L3MBTL3: variants seen among roughly 807,000 people sequenced by gnomAD.
L3MBTL3 encodes L3MBTL histone methyl-lysine binding protein 3.
Under a neutral mutation model 102.3 loss-of-function variants are expected in L3MBTL3, and 27 were observed. The observed-to-expected ratio is 0.26, with a 90% CI of 0.19 to 0.36. The LOEUF is 0.36. Ranked by LOEUF, L3MBTL3 falls within the 10% of genes least tolerant of loss-of-function variation. The probability of loss-of-function intolerance (pLI) is 1.00; values close to 1 mark genes in which losing one functional copy is unlikely to be tolerated. For synonymous variants in L3MBTL3, 340 were observed against 320.9 expected (o/e 1.06, Z -0.64); for missense variants, 798 against 955.3 (o/e 0.84, Z 2.17).
At chr6:130,079,404 A>C (rs1318259223) in intron 14 of L3MBTL3, among the ~76,000 whole-genome samples, 1 of 152,172 alleles carries the variant, frequency 6.6e-6, no homozygotes, top group African/African-American at 2.4e-5. Flanking sequence ...GTAACTGCTG[A>C]TAAATAGTGT....
chr6:130,041,678 A>G (rs1562258934), intron 2 of L3MBTL3, among the ~76,000 whole-genome samples: 1 of 152,190 alleles, frequency 6.6e-6, no homozygotes, highest in African/African-American at 2.4e-5. Flanking sequence ...CTTTGGCCAG[A>G]AGAAAGGGGC....
chr6:130,127,338 G>A (rs1250694668), intron 20 of L3MBTL3, among the ~76,000 whole-genome samples: 1 of 152,170 alleles, frequency 6.6e-6, no homozygotes, highest in East Asian at 1.9e-4. Context: ...CATGGGGGAA[G>A]GTCAAAGGGA....
chr6:130,138,635 A>G (rs775969880), intron 22 of L3MBTL3, among the ~76,000 whole-genome samples: 6 of 152,198 alleles, frequency 3.9e-5, no homozygotes, highest in Non-Finnish European at 8.8e-5. Context: ...GGACATCAAT[A>G]TACGAATTTT....
Position 130,042,653 on chromosome 6 carries a change from A to C in L3MBTL3, c.-15-32A>C, listed in dbSNP as rs750160690. ...TTAAAAACAGATTTCCATGTGGAATATTTAGTGATATGCCTTCTTTTCCCC... is the reference window on the plus strand; with the variant it reads ...TTAAAAACAGATTTCCATGTGGAATCTTTAGTGATATGCCTTCTTTTCCCC... On this transcript the variant is annotated intron_variant, in intron 2 of 22. Transcript: ENST00000361794. 11 of 1,239,310 alleles carry C rather than the reference A, an allele frequency of 8.9e-6. No homozygotes were observed. The South Asian group carries it at 1.3e-4, about 15-fold the overall frequency. 76.8% of individuals were successfully genotyped at this position (1,239,310 alleles called of 1,614,324 possible). A position where few individuals can be genotyped will look rare whatever the true frequency, so the allele number is the denominator to read the frequency against.
chr6:130,129,293 A>G (rs1786845042), intron 20 of L3MBTL3, among the ~76,000 whole-genome samples: 1 of 152,150 alleles, frequency 6.6e-6, no homozygotes, highest in African/African-American at 2.4e-5. Flanking sequence ...AAAAGTAGTG[A>G]TTATTTGATT....
At chr6:130,073,008 A>C (rs1054875558) in intron 13 of L3MBTL3, among the ~76,000 whole-genome samples, 1 of 152,050 alleles carries the variant, frequency 6.6e-6, no homozygotes, top group Admixed American at 6.6e-5. Flanking sequence ...TCACAGTTTG[A>C]TTTGCTGATT....
At chr6:130,032,943 T>C (rs542935908) in intron 2 of L3MBTL3, among the ~76,000 whole-genome samples, 1 of 152,316 alleles carries the variant, frequency 6.6e-6, no homozygotes, top group East Asian at 1.9e-4. Flanking sequence ...CCGTGATCCA[T>C]GATTGCACCA....
At chr6:130,073,521 C>G (rs4897364) in intron 13 of L3MBTL3, among the ~76,000 whole-genome samples, 72,980 of 151,870 alleles carry the variant, frequency 0.48, 20,032 homozygotes, top group East Asian at 0.65. Context: ...TTTTTTAAAG[C>G]TTTTGCCTGA....
At chr6:130,046,758 TA>T (rs1245900362) in intron 3 of L3MBTL3, among the ~76,000 whole-genome samples, 1 of 152,222 alleles carries the variant, frequency 6.6e-6, no homozygotes, top group African/African-American at 2.4e-5. Context: ...ACTAATGATT[TA>T]AAGAAATATA....
intron 20 of L3MBTL3, among the ~76,000 whole-genome samples, chr6:130,125,484 T>A (rs186862738): frequency 9.8e-5 from 15 of 152,324 alleles, no homozygotes; most frequent in Non-Finnish European, 2.2e-4. Flanking sequence ...GGCCCCATGG[T>A]AATTGTTTTC....
At chr6:130,025,472 T>A (rs1001090065) in intron 2 of L3MBTL3, among the ~76,000 whole-genome samples, 8 of 152,122 alleles carry the variant, frequency 5.3e-5, no homozygotes, top group African/African-American at 1.9e-4. Flanking sequence ...CAAGAAAGGG[T>A]ATCCTTGATA....
Position 130,133,713 on chromosome 6 carries a change from T to C in L3MBTL3, c.2136+92T>C. ...TTGAGCGTAGGTAGCGTTTAGTCTTTTTTTTTCTGAAAGAGAAGAAATTAT... is the reference window on the plus strand; with the variant it reads ...TTGAGCGTAGGTAGCGTTTAGTCTTCTTTTTTCTGAAAGAGAAGAAATTAT... On this transcript the variant is annotated intron_variant, in intron 21 of 22. Transcript: ENST00000361794. The surrounding 1 kb of genome is among the most constrained non-coding windows in gnomAD (Gnocchi z 4.9). 6.6e-7 allele frequency: 1 copy of C among 1,525,110 alleles called. No individual in the cohort carries two copies. The highest frequency in any genetic ancestry group is 8.9e-7 in the Non-Finnish European group (1 of 1,117,614). The allele number at this position is 1,525,110 out of a possible 1,614,324, so 94.5% of individuals were successfully genotyped here. A position where few individuals can be genotyped will look rare whatever the true frequency, so the allele number is the denominator to read the frequency against.
chr6:130,046,940 AC>A (rs1186795203), intron 3 of L3MBTL3, among the ~76,000 whole-genome samples: 1 of 152,210 alleles, frequency 6.6e-6, no homozygotes, highest in Non-Finnish European at 1.5e-5. Flanking sequence ...TTGTGGTCTA[AC>A]ATTTTCTATC....
chr6:130,109,587 T>G (rs1785225144), intron 19 of L3MBTL3, among the ~76,000 whole-genome samples: 1 of 152,210 alleles, frequency 6.6e-6, no homozygotes, highest in South Asian at 2.1e-4. Context: ...TTTAAGTTCC[T>G]TATAGATTCT....
At chr6:130,068,974 A>T (rs906544290) in intron 12 of L3MBTL3, among the ~76,000 whole-genome samples, 6 of 152,114 alleles carry the variant, frequency 3.9e-5, no homozygotes, top group Non-Finnish European at 8.8e-5. Context: ...CCAAGTTCTG[A>T]TCTAATTGGA....
chr6:130,047,363 C>T (rs6928313), intron 3 of L3MBTL3, among the ~76,000 whole-genome samples: 71,645 of 151,902 alleles, frequency 0.47, 19,547 homozygotes, highest in East Asian at 0.76. Flanking sequence ...AAGGTTGCAT[C>T]GTGGGAATCG....
chr6:130,098,023 C>T (rs1320230538), intron 18 of L3MBTL3, among the ~76,000 whole-genome samples: 3 of 152,034 alleles, frequency 2.0e-5, no homozygotes, highest in Non-Finnish European at 4.4e-5. Flanking sequence ...GCCAAGATTG[C>T]GCCACTGCAC....
intron 20 of L3MBTL3, among the ~76,000 whole-genome samples, chr6:130,124,535 A>G (rs962976878): frequency 1.3e-5 from 2 of 152,070 alleles, no homozygotes; most frequent in South Asian, 4.1e-4. Flanking sequence ...AGCCTTTTTG[A>G]TTTTTTGATT....
At chr6:130,046,748 A>T (rs1264133308) in intron 3 of L3MBTL3, among the ~76,000 whole-genome samples, 1 of 152,270 alleles carries the variant, frequency 6.6e-6, no homozygotes, top group Non-Finnish European at 1.5e-5. Flanking sequence ...GGTTAAAAGA[A>T]CTAATGATTT....
Sources: gnomAD v4.1 joint callset for allele counts (sites outside exome capture counted in the v4.1 genomes callset) on GRCh38, gnomAD v4.1.1 for gene constraint, Gnocchi (gnomAD v3.1) non-coding constraint, MANE v1.5 for transcripts, NCBI Gene and HGNC (gene_info 2026-07-23, HGNC 2026-07-21) for gene names.